Variants in KAT6B observed in about 807,000 individuals in gnomAD.
KAT6B encodes the protein lysine acetyltransferase 6B.
In KAT6B, 10 loss-of-function variants were observed where a neutral mutation model predicts 187.5. That is an observed-to-expected ratio of 0.05 (90% CI 0.03 to 0.09). The LOEUF (loss-of-function observed/expected upper bound fraction) is 0.09. KAT6B is among the 10% of genes least tolerant of loss of function. The pLI, the probability that KAT6B is intolerant of heterozygous loss-of-function variation, is 1.00. For missense variants in KAT6B, 1,952 were observed against 2,558.9 expected, an observed-to-expected ratio of 0.76 and a Z score of 5.12; for synonymous variants, 861 against 926.8, an observed-to-expected ratio of 0.93 and a Z score of 1.29.
intron 3 of KAT6B, among the ~76,000 whole-genome samples, chr10:74,905,525 C>T (rs1438089945): frequency 6.6e-6 from 1 of 152,156 alleles, no homozygotes; most frequent in East Asian, 1.9e-4. Flanking sequence ...TGGTGGCCTG[C>T]AGGTTAAACA....
chr10:74,871,598 A>G (rs1401594675), intron 3 of KAT6B, among the ~76,000 whole-genome samples: 1 of 152,170 alleles, frequency 6.6e-6, no homozygotes, highest in Non-Finnish European at 1.5e-5. Flanking sequence ...TAGGGAGGCT[A>G]AGACAGGAGG....
chr10:75,014,679 G>A (rs954549703), intron 13 of KAT6B, among the ~76,000 whole-genome samples: 4 of 152,168 alleles, frequency 2.6e-5, no homozygotes, highest in African/African-American at 9.6e-5. Flanking sequence ...TGTTAGAGGT[G>A]CAGAATCTCA....
intron 3 of KAT6B, among the ~76,000 whole-genome samples, chr10:74,914,160 T>A: frequency 6.6e-6 from 1 of 151,036 alleles, no homozygotes; most frequent in African/African-American, 2.4e-5. Context: ...CACTCCAGCC[T>A]GGGTGACAGA....
chr10:74,932,183 G>A (rs1432773427), intron 3 of KAT6B, among the ~76,000 whole-genome samples: 4 of 152,178 alleles, frequency 2.6e-5, no homozygotes, highest in Admixed American at 6.5e-5. Flanking sequence ...ATGTTGATTG[G>A]CCAAAATATC....
intron 3 of KAT6B, among the ~76,000 whole-genome samples, chr10:74,932,093 A>G (rs1374640728): frequency 1.3e-5 from 2 of 152,172 alleles, no homozygotes; most frequent in Admixed American, 1.3e-4. Flanking sequence ...TCACATTCTC[A>G]TTCTTTGAAT....
intron 1 of KAT6B, among the ~76,000 whole-genome samples, chr10:74,830,954 A>T (rs1840810004): frequency 6.7e-6 from 1 of 149,878 alleles, no homozygotes; most frequent in African/African-American, 2.4e-5. Flanking sequence ...CAACCAGCTA[A>T]TTTTTTGTAT....
chr10:74,914,158 C>A (rs1204047010), intron 3 of KAT6B, among the ~76,000 whole-genome samples: 1 of 151,482 alleles, frequency 6.6e-6, no homozygotes, highest in African/African-American at 2.4e-5. Context: ...TGCACTCCAG[C>A]CTGGGTGACA....
chr10:75,029,047 A>G lies in KAT6B; in HGVS notation c.4223A>G (p.His1408Arg), dbSNP rs1564631291. 1 of 1,614,174 alleles carries G rather than the reference A, an allele frequency of 6.2e-7. No homozygotes were observed. Reference sequence around the variant, plus strand: ...GAAGACTCTGCACGTTTGGATGATCACGAAGAGGAGGAGGAAGAGGATGAA... The same window carrying G: ...GAAGACTCTGCACGTTTGGATGATCGCGAAGAGGAGGAGGAAGAGGATGAA... Reference protein sequence around the residue: ...EKEDSARLDDHEEEEEEDEEP... With the variant: ...EKEDSARLDDREEEEEEDEEP... The change falls in exon 18 of 18, where the codon CAC becomes CGC. Residue 1408 changes from histidine to arginine, a missense_variant. Around this residue, in one of 9 missense-constraint regions of KAT6B, gnomAD observed 758 missense variants for 891.4 expected, o/e 0.85. Transcript: ENST00000287239. This position sits in a 1 kb window ranked among gnomAD's most constrained non-coding sequence, Gnocchi z 6.2.
intron 3 of KAT6B, among the ~76,000 whole-genome samples, chr10:74,908,549 C>T (rs990495213): frequency 9.1e-6 from 1 of 109,452 alleles, no homozygotes; most frequent in Non-Finnish European, 1.9e-5. Flanking sequence ...GACCCCGTCT[C>T]AAAAAAAAAA....
At chr10:74,929,129 C>G (rs1156907369) in intron 3 of KAT6B, among the ~76,000 whole-genome samples, 4 of 152,156 alleles carry the variant, frequency 2.6e-5, no homozygotes, top group Non-Finnish European at 5.9e-5. Flanking sequence ...GACATAGCTT[C>G]CAGGATTTAT....
rs1283650786 is a variant in KAT6B, at chr10:75,030,763, A to G, written c.5939A>G (p.Asn1980Ser). The G allele has an allele frequency of 1.2e-6, 2 of 1,614,164 alleles. No individual in the cohort carries two copies. Among genetic ancestry groups the G allele is most frequent in the Non-Finnish European group, 1.7e-6 (2 of 1,180,028 alleles). Residue 1980 changes from asparagine (N) to serine (S), a missense_variant, in exon 18 of 18, where the codon AAC becomes AGC. Asn to Ser is a conservative substitution (Grantham distance 46, BLOSUM62 1). Around this residue, in one of 9 missense-constraint regions of KAT6B, gnomAD observed 358 missense variants for 436.3 expected, o/e 0.82. Transcript: ENST00000287239. This position sits in a 1 kb window ranked among gnomAD's most constrained non-coding sequence, Gnocchi z 4.8. ...ATGCCAGCGCCAGCCTACAATGTCAACTCTGTGAACATGAACATGAACACT... is the reference window on the plus strand; with the variant it reads ...ATGCCAGCGCCAGCCTACAATGTCAGCTCTGTGAACATGAACATGAACACT... ...NLMPAPAYNV[N>S]SVNMNMNTLN...
chr10:75,009,207 C>A lies in KAT6B; in HGVS notation c.2630-11375C>A, dbSNP rs550761986. Among the ~76,000 whole-genome samples the A allele has an allele frequency of 1.3e-4, 20 of 152,298 alleles. No homozygotes were observed. The South Asian group carries it at 4.1e-3, about 32-fold the overall frequency. On this transcript the variant is annotated intron_variant, in intron 13 of 17. Transcript: ENST00000287239. Reference sequence around the variant, plus strand: ...TTTAAAAATGAACTTTAGCTGTTAACATGTCTATTTGAGTTCCTGTTATTT... The same window carrying A: ...TTTAAAAATGAACTTTAGCTGTTAAAATGTCTATTTGAGTTCCTGTTATTT...
intron 1 of KAT6B, among the ~76,000 whole-genome samples, chr10:74,830,760 A>ATATATATG (rs1840748896): frequency 1.5e-4 from 4 of 27,026 alleles, no homozygotes; most frequent in South Asian, 1.8e-3. Flanking sequence ...ATATATATAT[A>ATATATATG]TATATATATT....
At chr10:74,934,678 T>C (rs1849116620) in intron 3 of KAT6B, among the ~76,000 whole-genome samples, 1 of 152,180 alleles carries the variant, frequency 6.6e-6, no homozygotes, top group African/African-American at 2.4e-5. Context: ...CCTTCTTCCT[T>C]GAGCCTTTTC....
intron 10 of KAT6B, among the ~76,000 whole-genome samples, chr10:74,981,306 T>TTCCTTCCTTCCTTCCTTCCTTCCTTC (rs1842493708): frequency 2.1e-5 from 3 of 139,944 alleles, no homozygotes; most frequent in African/African-American, 9.2e-5. Flanking sequence ...TTTCTTTCTT[T>TTCCTTCCTTCCTTCCTTCCTTCCTTC]CTTCCTTCCT....
chr10:74,931,731 G>A (rs1848895507), intron 3 of KAT6B, among the ~76,000 whole-genome samples: 1 of 152,180 alleles, frequency 6.6e-6, no homozygotes, highest in Admixed American at 6.5e-5. Flanking sequence ...CAAGAAATGT[G>A]TGTTTGCGGG....
intron 13 of KAT6B, among the ~76,000 whole-genome samples, chr10:75,017,918 G>C (rs1420224580): frequency 6.6e-6 from 1 of 152,210 alleles, no homozygotes; most frequent in African/African-American, 2.4e-5. Flanking sequence ...TTTCTCTTAC[G>C]TGAGTAGACT....
upstream of KAT6B, among the ~76,000 whole-genome samples, chr10:74,826,186 C>T (rs1840200962): frequency 6.6e-6 from 1 of 152,054 alleles, no homozygotes; most frequent in Admixed American, 6.5e-5. Flanking sequence ...TTGGCGTCGT[C>T]TGCAGCCAAT....
chr10:74,859,209 T>C (rs1843006215), intron 3 of KAT6B, among the ~76,000 whole-genome samples: 1 of 152,066 alleles, frequency 6.6e-6, no homozygotes, highest in Admixed American at 6.5e-5. Flanking sequence ...GCCTCCTGAG[T>C]AGCTGGAATT....
Sources: allele counts gnomAD v4.1 joint callset (sites outside exome capture counted in the v4.1 genomes callset), GRCh38; gene constraint gnomAD v4.1.1; regional missense constraint gnomAD v4.1.1; non-coding constraint Gnocchi (gnomAD v3.1); transcripts MANE v1.5; gene names NCBI Gene and HGNC (gene_info 2026-07-23, HGNC 2026-07-21).